Variants in MRPL16 observed in about 807,000 individuals in gnomAD.
MRPL16 encodes large ribosomal subunit protein uL16m.
Under a neutral mutation model 22.7 loss-of-function variants are expected in MRPL16, and 17 were observed. The observed-to-expected ratio is 0.75, with a 90% CI of 0.51 to 1.12. The LOEUF is 1.12. Among genes scored for constraint, MRPL16 ranks in the 50% most tolerant of loss-of-function variants. The pLI, the probability that MRPL16 is intolerant of heterozygous loss-of-function variation, is 0.00. For synonymous variants in MRPL16, 103 were observed against 112.8 expected (o/e 0.91, Z 0.55); for missense variants, 316 against 328.7 (o/e 0.96, Z 0.30).
chr11:59,809,757 G>C, intron 2 of MRPL16, 98 bp downstream of exon 2: 2 of 1,025,812 alleles, frequency 1.9e-6, no homozygotes, highest in Non-Finnish European at 2.9e-6. Context: ...AGAGTGAACG[G>C]GGATGGGAAA....
chr11:59,806,241 A>T lies in MRPL16; in HGVS notation c.*106T>A. On this transcript the variant is annotated 3_prime_UTR_variant, in exon 4 of 4. Transcript: ENST00000300151. ...GAAATCTACTCAAATGCTGCTCCTTAGTTATGGCTTAAGAGCTACCCAAAG... is the reference window on the plus strand; with the variant it reads ...GAAATCTACTCAAATGCTGCTCCTTTGTTATGGCTTAAGAGCTACCCAAAG... The T allele has an allele frequency of 1.6e-6, 2 of 1,216,892 alleles. No homozygotes were observed. The highest frequency in any genetic ancestry group is 2.3e-6 in the Non-Finnish European group (2 of 869,274). The allele number at this position is 1,216,892 out of a possible 1,614,324, so 75.4% of individuals were successfully genotyped here.
rs1375302597 is a variant in MRPL16 at position 59,807,860 on chromosome 11, C to T, written c.122-11G>A. 2 of 1,596,924 alleles carry T rather than the reference C, an allele frequency of 1.3e-6. No homozygotes were observed. Among genetic ancestry groups the T allele is most frequent in the Non-Finnish European group, 1.7e-6 (2 of 1,172,766 alleles). On this transcript the variant is annotated splice_polypyrimidine_tract_variant and intron_variant, in intron 2 of 3. Transcript: ENST00000300151. ...CAGGAATGGAAACATCTAAAAGAAG[C>T]ACAGACAACCAGGATAAAGTAAAAC...
In MRPL16 at chr11:59,807,748, G is replaced by A; in HGVS notation, c.223C>T (p.Pro75Ser). The change falls in exon 3 of 4, where the codon CCT becomes TCT. Residue 75 changes from proline to serine, a missense_variant. By Grantham distance (74) the Pro-to-Ser change is moderately conservative (BLOSUM62 -1). Coordinates refer to ENST00000300151, the MANE Select transcript of MRPL16 (RefSeq NM_017840.4). ...GTAAACTCCGTAGCTTCAGTGGAAG[G>A]TCCCCGTATGTCACTTAAATTTTTA... Reference protein sequence around the residue: ...EPKNLSDIRGPSTEATEFTEG... With the variant: ...EPKNLSDIRGSSTEATEFTEG... 6.2e-7 allele frequency: 1 copy of A among 1,613,376 alleles called. No homozygotes were observed. Among genetic ancestry groups the A allele is most frequent in the East Asian group, 2.2e-5 (1 of 44,826 alleles).
Position 59,807,195 on chromosome 11 carries a change from G to T in MRPL16, c.271-363C>A, listed in dbSNP as rs568006422. On this transcript the variant is annotated intron_variant, in intron 3 of 3. Transcript: ENST00000300151. Reference sequence around the variant, plus strand: ...CAGAAGCCAATGTGGCTGGAGTAGGGTGAGGAATGGGGAGAGTGGGCAGGA... The same window carrying T: ...CAGAAGCCAATGTGGCTGGAGTAGGTTGAGGAATGGGGAGAGTGGGCAGGA... 1.3e-5 allele frequency: 3 copies of T among 232,316 alleles called. No individual in the cohort carries two copies. The South Asian group carries it at 2.4e-4, about 18-fold the overall frequency. 14.4% of individuals were successfully genotyped at this position (232,316 alleles called of 1,614,324 possible). A position where few individuals can be genotyped will look rare whatever the true frequency, so the allele number is the denominator to read the frequency against.
In MRPL16 at chr11:59,807,792, G is replaced by T; in HGVS notation, c.179C>A (p.Pro60Gln). The change falls in exon 3 of 4, where the codon CCA (proline) becomes CAA (glutamine). Residue 60 changes from proline (P) to glutamine (Q), a missense_variant. Pro to Gln is a moderately conservative substitution (Grantham distance 76). Transcript: ENST00000300151. ...LRFIERAPLV[P>Q]KVRREPKNLS... ...ATTTTTAGGTTCTCTTCTTACTTTT[G>T]GCACAAGTGGTGCCCTTTCAATAAA... 1 of 1,612,872 alleles carries T rather than the reference G, an allele frequency of 6.2e-7. No homozygotes were observed. The highest frequency in any genetic ancestry group is 8.5e-7 in the Non-Finnish European group (1 of 1,179,504).
intron 1 of MRPL16, 134 bp downstream of exon 1, chr11:59,810,470 G>A (rs1866162555): frequency 2.0e-6 from 3 of 1,498,162 alleles, no homozygotes; most frequent in South Asian, 2.6e-5. Flanking sequence ...GAGGTCGGCG[G>A]TGCGATAGCG....
chr11:59,809,771 G>GAGA, intron 2 of MRPL16, 84 bp downstream of exon 2: 1 of 1,209,884 alleles, frequency 8.3e-7, no homozygotes, highest in Middle Eastern at 2.5e-4. Flanking sequence ...TGGGAAACAC[G>GAGA]AGAACATTCC....
rs763123729 is a variant in MRPL16, at chr11:59,806,785, G to C, written c.318C>G (p.Arg106=). 1 of 1,612,530 alleles carries C rather than the reference G, an allele frequency of 6.2e-7. No homozygotes were observed. Among genetic ancestry groups the C allele is most frequent in the Non-Finnish European group, 8.5e-7 (1 of 1,178,676 alleles). ...YLHWGHFEMM[R]LTINRSMDPK... is the part of the protein sequence containing the mutation. ...GGTCCATAGAGCGGTTGATTGTCAGGCGCATCATTTCAAAGTGGCCCCAAT... is the reference window on the plus strand; with the variant it reads ...GGTCCATAGAGCGGTTGATTGTCAGCCGCATCATTTCAAAGTGGCCCCAAT... The change falls in exon 4 of 4, where the codon CGC becomes CGG. Residue 106 remains arginine (R), a synonymous_variant. Coordinates refer to ENST00000300151, the MANE Select transcript of MRPL16 (RefSeq NM_017840.4).
At chr11:59,807,170 C>T in intron 3 of MRPL16, 1 of 257,102 alleles carries the variant, frequency 3.9e-6, no homozygotes, top group Non-Finnish European at 7.5e-6. Context: ...GCAAGTTGAA[C>T]AGAAGCCAAT....
intron 3 of MRPL16, 31 bp downstream of exon 3, chr11:59,807,669 TC>T: frequency 6.3e-7 from 1 of 1,595,586 alleles, no homozygotes; most frequent in South Asian, 1.1e-5. Context: ...CTAGCTTCCA[TC>T]CCATTGCTGC....
intron 1 of MRPL16, 137 bp from the exon 2 acceptor site, chr11:59,810,057 G>A: frequency 1.4e-6 from 1 of 739,200 alleles, no homozygotes; most frequent in East Asian, 3.2e-5. Context: ...CCAGGATCCA[G>A]TGCAGTGGCG....
At chr11:59,810,002 T>A in intron 1 of MRPL16, 82 bp from the exon 2 acceptor site, 3 of 1,108,840 alleles carry the variant, frequency 2.7e-6, no homozygotes, top group East Asian at 2.7e-5. Flanking sequence ...CTACTTCTTA[T>A]TTTTATTTAT....
chr11:59,807,673 A>G (rs753657826), intron 3 of MRPL16, 28 bp downstream of exon 3: 2 of 1,596,914 alleles, frequency 1.3e-6, no homozygotes, highest in South Asian at 2.3e-5. Context: ...CTTCCATCCC[A>G]TTGCTGCTCG....
At chr11:59,810,172 ATT>A in intron 1 of MRPL16, 1 of 736,822 alleles carries the variant, frequency 1.4e-6, no homozygotes, top group Non-Finnish European at 1.9e-6. Context: ...CGCCCAGCTA[ATT>A]TTTTTTGTAT....
intron 2 of MRPL16, 80 bp from the exon 3 acceptor site, chr11:59,807,929 G>T: frequency 7.2e-7 from 1 of 1,384,638 alleles, no homozygotes. Flanking sequence ...ATTTATAACA[G>T]GTGAAAGTCT....
rs956134708 is a variant in MRPL16 at position 59,810,172 on chromosome 11, A to AT, written c.56-253dup. 207 of 736,716 alleles carry AT rather than the reference A, an allele frequency of 2.8e-4. 1 individual carries two copies. The highest frequency in any genetic ancestry group is 3.1e-4 in the Non-Finnish European group (162 of 527,430). 45.6% of individuals were successfully genotyped at this position (736,716 alleles called of 1,614,324 possible). A position where few individuals can be genotyped will look rare whatever the true frequency, so the allele number is the denominator to read the frequency against. Reference sequence around the variant, plus strand: ...AGTCGCCCACCACCACGCCCAGCTAATTTTTTTTGTATTTTCAGTAGAGAC... The same window carrying AT: ...AGTCGCCCACCACCACGCCCAGCTAATTTTTTTTTGTATTTTCAGTAGAGAC... On this transcript the variant is annotated intron_variant, in intron 1 of 3. Transcript: ENST00000300151.
At chr11:59,809,710 T>G (rs1467053526) in intron 2 of MRPL16, 145 bp downstream of exon 2, 14 of 794,486 alleles carry the variant, frequency 1.8e-5, no homozygotes, top group Non-Finnish European at 2.8e-5. Flanking sequence ...GAATATTAGT[T>G]GGCAAAACTG....
Position 59,810,586 on chromosome 11 carries a change from C to G in MRPL16, c.55+18G>C. 2 of 1,614,058 alleles carry G rather than the reference C, an allele frequency of 1.2e-6. No homozygotes were observed. The highest frequency in any genetic ancestry group is 1.7e-6 in the Non-Finnish European group (2 of 1,179,924). On this transcript the variant is annotated intron_variant, in intron 1 of 3. Transcript: ENST00000300151. ...GGAAGAGGGGTAAAGTCTTTAGGAA[C>G]CAAAAGGGACTTCTGACCTGACAAG...
Position 59,806,508 on chromosome 11 carries a change from G to C in MRPL16, c.595C>G (p.Arg199Gly). ...CGTTCTCTTTCCTCTTGATCTTTTC[G>C]CATCTTCTCTAGAGTCCCGCGGCTC... The part of the protein sequence containing the change: ...AVSRGTLEKM[R>G]KDQEERERNN... Residue 199 changes from arginine to glycine, a missense_variant, in exon 4 of 4, where the codon CGA (arginine) becomes GGA (glycine). Physicochemically the swap from Arg to Gly is moderately radical, Grantham distance 125. Coordinates refer to ENST00000300151, the MANE Select transcript of MRPL16 (RefSeq NM_017840.4). 1.2e-6 allele frequency: 2 copies of C among 1,613,982 alleles called. No homozygotes were observed. The highest frequency in any genetic ancestry group is 4.5e-5 in the East Asian group (2 of 44,898).
Sources: allele counts gnomAD v4.1 joint callset, GRCh38; gene constraint gnomAD v4.1.1; transcripts MANE v1.5; gene names NCBI Gene and HGNC (gene_info 2026-07-23, HGNC 2026-07-21).